Variants in KIF1B observed in about 807,000 individuals in gnomAD.
KIF1B encodes kinesin family member 1B.
KIF1B carries 76 observed loss-of-function variants against 241.9 expected under a neutral mutation model. That is an observed-to-expected ratio of 0.31 (90% confidence interval 0.26 to 0.38). KIF1B has a LOEUF of 0.38. KIF1B is among the 10% of genes least tolerant of loss of function. KIF1B has a pLI of 1.00. For synonymous variants in KIF1B, 750 were observed against 796.7 expected, an observed-to-expected ratio of 0.94 and a Z score of 0.99; for missense variants, 1,622 against 2,271.4, an observed-to-expected ratio of 0.71 and a Z score of 5.81.
rs1237401130 is a variant in KIF1B at position 10,375,311 on chromosome 1, C to T, written c.5346C>T (p.Leu1782=). ...TKHRGVLLQA[L]NDKDMNDWLY... Reference sequence around the variant, plus strand: ...ACCGTGGGGTCCTTTTGCAGGCCCTCAATGACAAAGACATGAACGACTGGT... The same window carrying T: ...ACCGTGGGGTCCTTTTGCAGGCCCTTAATGACAAAGACATGAACGACTGGT... Residue 1782 remains leucine (L), a synonymous_variant, in exon 48 of 49, where the codon CTC becomes CTT. Transcript: ENST00000676179. 2 of 1,611,510 alleles carry T rather than the reference C, an allele frequency of 1.2e-6. No homozygotes were observed. The highest frequency in any genetic ancestry group is 1.7e-6 in the Non-Finnish European group (2 of 1,178,508).
intron 47 of KIF1B, 100 bp downstream of exon 47, chr1:10,375,146 T>C (rs1192655029): frequency 6.0e-6 from 9 of 1,508,090 alleles, no homozygotes; most frequent in Non-Finnish European, 8.3e-6. Context: ...CTATTCTCTC[T>C]GGTTTTGAAC....
intron 40 of KIF1B, among the ~76,000 whole-genome samples, chr1:10,362,167 A>G (rs75030338): frequency 0.029 from 4,405 of 152,318 alleles, 66 homozygotes; most frequent in African/African-American, 0.039. Context: ...TATTTAAGGC[A>G]TACAAAATAT....
intron 23 of KIF1B, among the ~76,000 whole-genome samples, chr1:10,320,847 A>G (rs375480819): frequency 6.6e-6 from 1 of 151,778 alleles, no homozygotes; most frequent in Non-Finnish European, 1.5e-5. Flanking sequence ...GATTACAGGG[A>G]TGCGCCACCA....
chr1:10,298,056 A>G (rs1650356718), intron 22 of KIF1B, among the ~76,000 whole-genome samples: 2 of 152,238 alleles, frequency 1.3e-5, no homozygotes, highest in Non-Finnish European at 2.9e-5. Context: ...TTTAAAGCCA[A>G]CCAAACAACC....
chr1:10,362,961 ACTC>A (rs1179167916), intron 40 of KIF1B, among the ~76,000 whole-genome samples: 1 of 152,148 alleles, frequency 6.6e-6, no homozygotes. Flanking sequence ...AGTCCCAACT[ACTC>A]AGGAGGCTGA....
At chr1:10,272,460 A>G (rs1302498363) in intron 9 of KIF1B, 154 bp downstream of exon 9, 4 of 694,970 alleles carry the variant, frequency 5.8e-6, no homozygotes, top group South Asian at 2.9e-5. Flanking sequence ...GATACTAGGT[A>G]TAACACAGTT....
chr1:10,265,194 A>G, intron 5 of KIF1B, among the ~76,000 whole-genome samples: 1 of 146,806 alleles, frequency 6.8e-6, no homozygotes, highest in East Asian at 2.0e-4. Flanking sequence ...AATTTTTTAA[A>G]ATGGATTTTA....
At chr1:10,301,595 G>A (rs1402930613) in intron 22 of KIF1B, among the ~76,000 whole-genome samples, 1 of 152,144 alleles carries the variant, frequency 6.6e-6, no homozygotes, top group African/African-American at 2.4e-5. Flanking sequence ...GAACCCAAGA[G>A]GTGGAGGTTG....
chr1:10,259,113 T>C (rs1647964150), intron 4 of KIF1B, among the ~76,000 whole-genome samples: 1 of 152,048 alleles, frequency 6.6e-6, no homozygotes, highest in Admixed American at 6.6e-5. Flanking sequence ...CCTAATTTAA[T>C]ACTATGACTT....
At chr1:10,226,271 A>C (rs1317386875) in intron 1 of KIF1B, among the ~76,000 whole-genome samples, 1 of 152,198 alleles carries the variant, frequency 6.6e-6, no homozygotes, top group African/African-American at 2.4e-5. Context: ...TGTTTTGGGG[A>C]TAGAGGTTTC....
chr1:10,297,323 A>T (rs918453320), intron 22 of KIF1B, 77 bp downstream of exon 22: 2 of 1,273,764 alleles, frequency 1.6e-6, no homozygotes, highest in African/African-American at 2.9e-5. Flanking sequence ...ACAGAGCAGT[A>T]CTCACCCAAA....
At chr1:10,297,125 T>G (rs1403124167) in intron 21 of KIF1B, 48 bp downstream of exon 21, 1 of 1,612,138 alleles carries the variant, frequency 6.2e-7, no homozygotes, top group South Asian at 1.1e-5. Context: ...CTTTTAAACA[T>G]GTAATACTAA....
chr1:10,346,057 C>T (rs576505547), intron 35 of KIF1B, 104 bp downstream of exon 35: 1 of 785,452 alleles, frequency 1.3e-6, no homozygotes, highest in South Asian at 1.5e-5. Context: ...TTGTCACTGT[C>T]AAATTCCAGG....
chr1:10,228,772 T>C (rs541084466), intron 1 of KIF1B, among the ~76,000 whole-genome samples: 1 of 152,234 alleles, frequency 6.6e-6, no homozygotes, highest in African/African-American at 2.4e-5. Flanking sequence ...AGGACATGGA[T>C]TGAGGTAATA....
intron 22 of KIF1B, among the ~76,000 whole-genome samples, chr1:10,315,554 A>G (rs944397920): frequency 5.9e-5 from 9 of 151,622 alleles, no homozygotes; most frequent in Non-Finnish European, 1.2e-4. Flanking sequence ...TATATCATGT[A>G]CAGTCCATTT....
intron 22 of KIF1B, among the ~76,000 whole-genome samples, chr1:10,301,207 C>G (rs1037283376): frequency 6.6e-6 from 1 of 152,096 alleles, no homozygotes; most frequent in African/African-American, 2.4e-5. Flanking sequence ...AGGCAAGGTA[C>G]TATTTATCAG....
chr1:10,304,352 A>G, intron 22 of KIF1B: 1 of 1,614,232 alleles, frequency 6.2e-7, no homozygotes, highest in Non-Finnish European at 8.5e-7. Context: ...TCTCTCAATA[A>G]TGGCCAGCCG....
Position 10,256,247 on chromosome 1 carries a change from G to T in KIF1B, c.107G>T (p.Ser36Ile). ...CIIQMQGNST[S>I]IINPKNPKEA... ...AAAATGAAACATTTTTATCTTCTAG[G>T]TATTATTAACCCAAAGAATCCAAAG... Residue 36 changes from serine to isoleucine, a missense_variant and splice_region_variant, in exon 3 of 49, where the codon AGT becomes ATT. Ser to Ile is a moderately radical substitution (Grantham distance 142). Coordinates refer to ENST00000676179, the MANE Select transcript of KIF1B (RefSeq NM_001365951.3). 1 of 1,587,668 alleles carries T rather than the reference G, an allele frequency of 6.3e-7. No individual in the cohort carries two copies. Among genetic ancestry groups the T allele is most frequent in the South Asian group, 1.1e-5 (1 of 90,506 alleles).
intron 3 of KIF1B, 117 bp from the exon 4 acceptor site, chr1:10,258,376 G>A: frequency 9.6e-7 from 1 of 1,044,692 alleles, no homozygotes; most frequent in Non-Finnish European, 1.4e-6. Context: ...TAAAAAATGT[G>A]TAGGGAATTT....
Sources: allele counts gnomAD v4.1 joint callset (sites outside exome capture counted in the v4.1 genomes callset), GRCh38; gene constraint gnomAD v4.1.1; transcripts MANE v1.5; gene names NCBI Gene and HGNC (gene_info 2026-07-23, HGNC 2026-07-21).